The following CORO2B variants were observed in gnomAD, a reference collection of about 807,000 sequenced individuals.
CORO2B encodes the protein coronin-2B.
A neutral mutation model predicts 58.8 loss-of-function variants in CORO2B; 26 were observed. The ratio of observed to expected loss-of-function variants is 0.44; its 90% CI spans 0.32 to 0.61. The LOEUF is 0.61. CORO2B is among the 20% of genes least tolerant of loss of function. CORO2B has a pLI of 0.04. For synonymous variants in CORO2B, 242 were observed against 253.8 expected (o/e 0.95, Z 0.44); for missense variants, 460 against 645.1 (o/e 0.71, Z 3.11).
intron 1 of CORO2B, among the ~76,000 whole-genome samples, chr15:68,624,205 T>A (rs975995674): frequency 1.8e-4 from 27 of 152,138 alleles, no homozygotes; most frequent in Non-Finnish European, 3.1e-4. Flanking sequence ...ACTCTACCAA[T>A]GTCGGCTATT....
intron 1 of CORO2B, among the ~76,000 whole-genome samples, chr15:68,621,596 G>T (rs1198046045): frequency 1.3e-5 from 2 of 152,132 alleles, no homozygotes; most frequent in African/African-American, 4.8e-5. Flanking sequence ...TTCCAGATGG[G>T]TTGGTTACCA....
intron 3 of CORO2B, among the ~76,000 whole-genome samples, chr15:68,703,317 A>C (rs1186641166): frequency 6.7e-6 from 1 of 150,260 alleles, no homozygotes; most frequent in Non-Finnish European, 1.5e-5. Context: ...CGCCCAGTTA[A>C]TTTTTGTATT....
chr15:68,569,616 G>C, the CORO2B span, among the ~76,000 whole-genome samples: 1 of 152,176 alleles, frequency 6.6e-6, no homozygotes, highest in Admixed American at 6.5e-5. Context: ...GCTGGTTTTC[G>C]TGTGGACATA....
At chr15:68,586,145 C>T (rs1247497325) in intron 1 of CORO2B, among the ~76,000 whole-genome samples, 2 of 152,318 alleles carry the variant, frequency 1.3e-5, no homozygotes, top group African/African-American at 2.4e-5. Flanking sequence ...TCTGTTTCCT[C>T]ATCCATTCAT....
chr15:68,558,666 G>A, the CORO2B span, among the ~76,000 whole-genome samples: 64 of 152,228 alleles, frequency 4.2e-4, no homozygotes, highest in Non-Finnish European at 7.9e-4. Context: ...ATGAGCCACC[G>A]CACTGGCCTC....
At chr15:68,671,381 T>C (rs984007343) in intron 2 of CORO2B, among the ~76,000 whole-genome samples, 2 of 152,160 alleles carry the variant, frequency 1.3e-5, no homozygotes, top group Non-Finnish European at 2.9e-5. Flanking sequence ...TAGACCCACA[T>C]ATGAGCCAAA....
chr15:68,553,993 G>A, the CORO2B span, among the ~76,000 whole-genome samples: 1 of 152,164 alleles, frequency 6.6e-6, no homozygotes, highest in Admixed American at 6.5e-5. Context: ...GGATTACAGG[G>A]GCAAGAATGG....
At chr15:68,563,882 A>G in the CORO2B span, among the ~76,000 whole-genome samples, 1 of 152,354 alleles carries the variant, frequency 6.6e-6, no homozygotes, top group Non-Finnish European at 1.5e-5. Context: ...AGAATTCCCA[A>G]CAAAGAAAGG....
intron 1 of CORO2B, among the ~76,000 whole-genome samples, chr15:68,628,463 C>T (rs1252212905): frequency 4.6e-5 from 7 of 152,210 alleles, no homozygotes; most frequent in African/African-American, 7.2e-5. Context: ...GTACCTGACA[C>T]GTAGCAAGTA....
intron 2 of CORO2B, among the ~76,000 whole-genome samples, chr15:68,649,616 ATAGT>A (rs1463126652): frequency 6.6e-6 from 1 of 152,224 alleles, no homozygotes; most frequent in Non-Finnish European, 1.5e-5. Context: ...ATATCTGTCA[ATAGT>A]TAGCATATTC....
intron 1 of CORO2B, among the ~76,000 whole-genome samples, chr15:68,598,920 C>T (rs1480159247): frequency 2.6e-5 from 4 of 152,160 alleles, no homozygotes; most frequent in Non-Finnish European, 5.9e-5. Context: ...GGAACAGGCC[C>T]AAGCTGGGTC....
chr15:68,545,066 G>A, the CORO2B span, among the ~76,000 whole-genome samples: 7 of 152,226 alleles, frequency 4.6e-5, no homozygotes, highest in Admixed American at 2.6e-4. Context: ...GAGCCACCAC[G>A]CCCGGCCTGC....
intron 2 of CORO2B, among the ~76,000 whole-genome samples, chr15:68,652,929 T>A (rs1901686409): frequency 6.6e-6 from 1 of 152,190 alleles, no homozygotes; most frequent in South Asian, 2.1e-4. Context: ...TTACTGCCAT[T>A]TGGATGTCTT....
chr15:68,686,020 G>GTTTTTT (rs56168498), intron 2 of CORO2B, among the ~76,000 whole-genome samples: 4 of 103,330 alleles, frequency 3.9e-5, no homozygotes, highest in Non-Finnish European at 4.0e-5. Context: ...TCCTACTTCT[G>GTTTTTT]TTTTTTTTTT....
chr15:68,587,708 T>C (rs1899602879), intron 1 of CORO2B, among the ~76,000 whole-genome samples: 1 of 152,218 alleles, frequency 6.6e-6, no homozygotes, highest in Non-Finnish European at 1.5e-5. Flanking sequence ...TTTATATGTA[T>C]TAATTCATTT....
chr15:68,631,097 G>A (rs1052444830), intron 1 of CORO2B, among the ~76,000 whole-genome samples: 5 of 152,118 alleles, frequency 3.3e-5, no homozygotes, highest in African/African-American at 1.2e-4. Context: ...TGGCAGGTAC[G>A]AGTCCAGTCA....
chr15:68,584,411 C>T (rs528557315), intron 1 of CORO2B, among the ~76,000 whole-genome samples: 5 of 152,292 alleles, frequency 3.3e-5, no homozygotes, highest in East Asian at 3.9e-4. Context: ...CCAGGGCTCC[C>T]AGAATCACCC....
chr15:68,570,358 A>G, the CORO2B span, among the ~76,000 whole-genome samples: 1 of 152,214 alleles, frequency 6.6e-6, no homozygotes, highest in Non-Finnish European at 1.5e-5. Flanking sequence ...CATAAGGACT[A>G]TTGATCTGTG....
At chr15:68,720,082 A>C (rs1033602562) in intron 11 of CORO2B, among the ~76,000 whole-genome samples, 2 of 152,120 alleles carry the variant, frequency 1.3e-5, no homozygotes, top group Non-Finnish European at 2.9e-5. Context: ...CCACACCCCC[A>C]TTCCCTGATG....
Sources: allele counts gnomAD v4.1 joint callset (sites outside exome capture counted in the v4.1 genomes callset), GRCh38; gene constraint gnomAD v4.1.1; transcripts MANE v1.5; gene names NCBI Gene and HGNC (gene_info 2026-07-23, HGNC 2026-07-21).